CTNND2: variants seen among roughly 807,000 people sequenced by gnomAD.
CTNND2 encodes catenin delta 2, also known as catenin delta-2.
In CTNND2, 22 loss-of-function variants were observed where a neutral mutation model predicts 144.4. That is an observed-to-expected ratio of 0.15 (90% CI 0.11 to 0.22). The LOEUF (loss-of-function observed/expected upper bound fraction) is 0.22. Among genes scored for constraint, CTNND2 ranks in the 10% least tolerant of loss-of-function variants. The pLI is 1.00. For missense variants in CTNND2, 1,353 were observed against 1,618.8 expected, an observed-to-expected ratio of 0.84 and a Z score of 2.82; for synonymous variants, 751 against 695.6, an observed-to-expected ratio of 1.08 and a Z score of -1.25.
At chr5:11,225,916 AGAG>A in intron 10 of CTNND2, among the ~76,000 whole-genome samples, 1 of 152,358 alleles carries the variant, frequency 6.6e-6, no homozygotes, top group Non-Finnish European at 1.5e-5. Flanking sequence ...CCTTATAAGA[AGAG>A]GAGAAGAGAT....
intron 9 of CTNND2, among the ~76,000 whole-genome samples, chr5:11,325,283 A>G (rs756226203): frequency 1.3e-5 from 2 of 152,056 alleles, no homozygotes; most frequent in Admixed American, 6.6e-5. Context: ...TTAAACCAAC[A>G]CACATATATA....
intron 9 of CTNND2, among the ~76,000 whole-genome samples, chr5:11,330,071 C>G (rs925931824): frequency 6.6e-6 from 1 of 152,114 alleles, no homozygotes; most frequent in Non-Finnish European, 1.5e-5. Flanking sequence ...ATACACACAT[C>G]ACATGTGGAT....
chr5:11,245,245 A>C (rs1742874786), intron 9 of CTNND2, among the ~76,000 whole-genome samples: 2 of 152,068 alleles, frequency 1.3e-5, no homozygotes, highest in South Asian at 4.1e-4. Context: ...TGTGATAAAG[A>C]CTCTGGTTAG....
At chr5:11,711,872 G>C (rs961859132) in intron 2 of CTNND2, among the ~76,000 whole-genome samples, 1 of 152,338 alleles carries the variant, frequency 6.6e-6, no homozygotes, top group South Asian at 2.1e-4. Flanking sequence ...AATTGTATAT[G>C]ATTCTGGTAG....
chr5:11,744,556 GA>G (rs1395734316), intron 1 of CTNND2, among the ~76,000 whole-genome samples: 1 of 152,102 alleles, frequency 6.6e-6, no homozygotes, highest in African/African-American at 2.4e-5. Context: ...TGAGGAGCAG[GA>G]AAGAGCAGCA....
intron 2 of CTNND2, among the ~76,000 whole-genome samples, chr5:11,596,656 T>C (rs972928168): frequency 2.0e-5 from 3 of 152,222 alleles, no homozygotes; most frequent in Non-Finnish European, 4.4e-5. Flanking sequence ...TTTGGTATTA[T>C]AAAAATCCTT....
intron 9 of CTNND2, among the ~76,000 whole-genome samples, chr5:11,294,591 C>A (rs942668248): frequency 5.3e-5 from 8 of 152,152 alleles, no homozygotes; most frequent in Non-Finnish European, 2.9e-5. Flanking sequence ...CAATAAAATA[C>A]TGGCAAACTG....
chr5:11,179,596 T>C (rs1760810908), intron 11 of CTNND2, among the ~76,000 whole-genome samples: 2 of 152,088 alleles, frequency 1.3e-5, no homozygotes, highest in African/African-American at 4.8e-5. Context: ...ACAAAGGAGA[T>C]AGGAGATATA....
intron 1 of CTNND2, among the ~76,000 whole-genome samples, chr5:11,744,443 A>G (rs1788190261): frequency 6.6e-6 from 1 of 152,178 alleles, no homozygotes; most frequent in African/African-American, 2.4e-5. Flanking sequence ...CTGAGGACTG[A>G]GAAGAAAGCT....
intron 10 of CTNND2, among the ~76,000 whole-genome samples, chr5:11,231,669 T>C (rs1207008121): frequency 6.6e-6 from 1 of 152,202 alleles, no homozygotes; most frequent in Admixed American, 6.5e-5. Context: ...TTTGAAAAAT[T>C]TGAGGCCCGA....
chr5:11,031,502 G>C (rs1421123174), intron 16 of CTNND2, among the ~76,000 whole-genome samples: 1 of 152,122 alleles, frequency 6.6e-6, no homozygotes, highest in Non-Finnish European at 1.5e-5. Flanking sequence ...ATAGACTCCA[G>C]AGTTTCAAAA....
intron 3 of CTNND2, among the ~76,000 whole-genome samples, chr5:11,436,490 CATCATGCACAGT>C (rs1763787863): frequency 6.6e-6 from 1 of 152,210 alleles, no homozygotes; most frequent in African/African-American, 2.4e-5. Context: ...CCTTGTTCCT[CATCATGCACAGT>C]ATTTTGAAGT....
intron 16 of CTNND2, among the ~76,000 whole-genome samples, chr5:11,034,063 A>G (rs1311444863): frequency 6.6e-6 from 1 of 152,202 alleles, no homozygotes; most frequent in Non-Finnish European, 1.5e-5. Context: ...ATCTAAGGTA[A>G]AAAGAGTTGA....
At chr5:11,297,703 G>A (rs952240943) in intron 9 of CTNND2, among the ~76,000 whole-genome samples, 3 of 152,064 alleles carry the variant, frequency 2.0e-5, no homozygotes, top group Admixed American at 6.6e-5. Context: ...AGAGTGTAAG[G>A]GAGGTCAGGA....
intron 18 of CTNND2, among the ~76,000 whole-genome samples, chr5:11,009,782 G>A (rs1740870544): frequency 1.3e-5 from 2 of 152,220 alleles, no homozygotes; most frequent in Admixed American, 1.3e-4. Flanking sequence ...GTAACTTAGT[G>A]ACTTCTTGTT....
At chr5:11,164,716 C>T (rs767485656) in intron 11 of CTNND2, among the ~76,000 whole-genome samples, 2 of 152,168 alleles carry the variant, frequency 1.3e-5, no homozygotes, top group Non-Finnish European at 2.9e-5. Flanking sequence ...TTCTTCCATT[C>T]ACGTCAACTT....
intron 1 of CTNND2, among the ~76,000 whole-genome samples, chr5:11,734,679 T>C (rs1787581937): frequency 6.6e-6 from 1 of 152,206 alleles, no homozygotes; most frequent in African/African-American, 2.4e-5. Flanking sequence ...TTTTCTATTA[T>C]ACCATATCTA....
intron 3 of CTNND2, among the ~76,000 whole-genome samples, chr5:11,505,505 A>C (rs969834882): frequency 5.9e-5 from 9 of 152,188 alleles, no homozygotes; most frequent in African/African-American, 2.2e-4. Context: ...GCTGATTGAC[A>C]ATCTACCCAC....
chr5:11,792,423 C>T (rs1791184772), intron 1 of CTNND2, among the ~76,000 whole-genome samples: 1 of 152,166 alleles, frequency 6.6e-6, no homozygotes, highest in South Asian at 2.1e-4. Context: ...GTTTCGCTTT[C>T]CATTTTTAAG....
Sources: gnomAD v4.1 joint callset for allele counts (sites outside exome capture counted in the v4.1 genomes callset) on GRCh38, gnomAD v4.1.1 for gene constraint, MANE v1.5 for transcripts, NCBI Gene and HGNC (gene_info 2026-07-23, HGNC 2026-07-21) for gene names.